Variants in CELF2 observed in about 807,000 individuals in gnomAD.
The protein encoded by CELF2 is CUGBP Elav-like family member 2.
Under a neutral mutation model 62.6 loss-of-function variants are expected in CELF2, and 8 were observed. The observed-to-expected ratio is 0.13, with a 90% CI of 0.07 to 0.23. CELF2 has a LOEUF of 0.23. Ranked by LOEUF, CELF2 falls within the 10% of genes least tolerant of loss-of-function variation. The pLI, the probability that CELF2 is intolerant of heterozygous loss-of-function variation, is 1.00. For synonymous variants in CELF2, 258 were observed against 250.0 expected (o/e 1.03, Z -0.30); for missense variants, 333 against 671.0 (o/e 0.50, Z 5.56).
At chr10:10,700,546 C>T in the CELF2 span, among the ~76,000 whole-genome samples, 9 of 152,162 alleles carry the variant, frequency 5.9e-5, no homozygotes, top group Admixed American at 5.9e-4. Flanking sequence ...GGCAAGAAAA[C>T]AGACCTCATC....
rs565689540 is a variant in CELF2, at chr10:11,159,476, A to G, written c.75-6010A>G. ...TGGATGACCACTGACTCCTCTTCCT[A>G]AATCGAAAGGATGCGCTAAGTTGAG... On this transcript the variant is annotated intron_variant, in intron 1 of 12. Coordinates refer to ENST00000633077, the MANE Select transcript of CELF2 (RefSeq NM_001326342.2). This position sits in a 1 kb window ranked among gnomAD's most constrained non-coding sequence, Gnocchi z 5.0. Among the ~76,000 whole-genome samples, 2 of 152,304 alleles carry G rather than the reference A, an allele frequency of 1.3e-5. No individual in the cohort carries two copies. The highest frequency in any genetic ancestry group is 4.1e-4 in the South Asian group (2 of 4,826).
chr10:10,657,557 G>A, the CELF2 span, among the ~76,000 whole-genome samples: 53 of 152,168 alleles, frequency 3.5e-4, no homozygotes, highest in South Asian at 0.011. Context: ...GGCAAAGTTA[G>A]CAACGTGACT....
the CELF2 span, among the ~76,000 whole-genome samples, chr10:10,716,788 C>T: frequency 6.6e-6 from 1 of 152,170 alleles, no homozygotes; most frequent in Non-Finnish European, 1.5e-5. Flanking sequence ...AGATAACCTG[C>T]TGTTGGAACA....
chr10:10,890,723 G>C (rs1011510993), intron 1 of CELF2, among the ~76,000 whole-genome samples: 20 of 152,178 alleles, frequency 1.3e-4, no homozygotes, highest in African/African-American at 4.8e-4. Context: ...TGATTAAAGA[G>C]ACCAGCATAG....
chr10:10,915,874 C>T (rs965933320), intron 1 of CELF2, among the ~76,000 whole-genome samples: 24 of 152,216 alleles, frequency 1.6e-4, no homozygotes, highest in African/African-American at 3.9e-4. Context: ...AAACATCCAG[C>T]ATTGCCTGGG....
At chr10:10,492,984 G>T in the CELF2 span, among the ~76,000 whole-genome samples, 1 of 152,110 alleles carries the variant, frequency 6.6e-6, no homozygotes, top group African/African-American at 2.4e-5. Context: ...GTGATTGTGA[G>T]GCCTCCCCAC....
At chr10:10,840,996 C>T (rs565351646) in intron 1 of CELF2, among the ~76,000 whole-genome samples, 1 of 152,274 alleles carries the variant, frequency 6.6e-6, no homozygotes, top group East Asian at 1.9e-4. Flanking sequence ...CCAGCTTCAT[C>T]CATGTCCCTG....
the CELF2 span, among the ~76,000 whole-genome samples, chr10:10,765,592 C>G: frequency 1.3e-5 from 2 of 152,120 alleles, no homozygotes; most frequent in African/African-American, 4.8e-5. Flanking sequence ...ACAGAGTGCC[C>G]CCTTCAAAGT....
chr10:10,685,861 C>A, the CELF2 span, among the ~76,000 whole-genome samples: 3 of 152,112 alleles, frequency 2.0e-5, no homozygotes, highest in Non-Finnish European at 4.4e-5. Context: ...GGTGTCTAAT[C>A]TAGTTTGGTT....
At chr10:11,266,474 G>A in intron 5 of CELF2, 124 bp from the exon 6 acceptor site, 1 of 592,624 alleles carries the variant, frequency 1.7e-6, no homozygotes, top group South Asian at 2.5e-5. Flanking sequence ...TTATTTTTAT[G>A]TACTACTGAG....
the CELF2 span, among the ~76,000 whole-genome samples, chr10:10,560,376 A>G: frequency 2.0e-5 from 3 of 152,224 alleles, no homozygotes; most frequent in Non-Finnish European, 2.9e-5. Flanking sequence ...ATAATGAACT[A>G]TTACTAACGG....
intron 1 of CELF2, among the ~76,000 whole-genome samples, chr10:10,817,836 C>G (rs772910279): frequency 3.9e-5 from 6 of 152,174 alleles, no homozygotes; most frequent in Non-Finnish European, 2.9e-5. Context: ...AACTTTTGCT[C>G]CCTTACTACT....
chr10:10,833,811 A>G (rs937706387), intron 1 of CELF2, among the ~76,000 whole-genome samples: 12 of 152,202 alleles, frequency 7.9e-5, no homozygotes, highest in African/African-American at 2.2e-4. Context: ...GTCAAAAAAT[A>G]ACAGATGCTG....
At chr10:10,555,466 A>G in the CELF2 span, among the ~76,000 whole-genome samples, 1 of 152,188 alleles carries the variant, frequency 6.6e-6, no homozygotes, top group Non-Finnish European at 1.5e-5. Flanking sequence ...AGTAAATAAG[A>G]TACTGGCAAA....
At chr10:10,584,019 G>A in the CELF2 span, among the ~76,000 whole-genome samples, 3 of 152,066 alleles carry the variant, frequency 2.0e-5, no homozygotes, top group Non-Finnish European at 2.9e-5. Context: ...GACCGTAGGG[G>A]GCTAAGGCTG....
At chr10:10,783,538 C>A in the CELF2 span, among the ~76,000 whole-genome samples, 9 of 152,334 alleles carry the variant, frequency 5.9e-5, no homozygotes, top group Admixed American at 3.9e-4. Flanking sequence ...CAATAAAATT[C>A]TGTTTTCAAG....
the CELF2 span, among the ~76,000 whole-genome samples, chr10:10,638,376 TTCATTCATTCAC>T: frequency 8.4e-6 from 1 of 119,630 alleles, no homozygotes; most frequent in Non-Finnish European, 1.9e-5. Flanking sequence ...CATCCATTCA[TTCATTCATTCAC>T]TCATTCATGA....
At chr10:10,495,324 A>G in the CELF2 span, among the ~76,000 whole-genome samples, 2 of 152,178 alleles carry the variant, frequency 1.3e-5, no homozygotes, top group African/African-American at 2.4e-5. Flanking sequence ...AAAAGAGTTC[A>G]TATTATGTAT....
At chr10:11,044,055 G>A (rs562915932) in intron 1 of CELF2, among the ~76,000 whole-genome samples, 1 of 152,048 alleles carries the variant, frequency 6.6e-6, no homozygotes, top group African/African-American at 2.4e-5. Context: ...TTGTGGGCAC[G>A]GCCTTTGCGT....
Sources: gnomAD v4.1 joint callset for allele counts (sites outside exome capture counted in the v4.1 genomes callset) on GRCh38, gnomAD v4.1.1 for gene constraint, Gnocchi (gnomAD v3.1) non-coding constraint, MANE v1.5 for transcripts, NCBI Gene and HGNC (gene_info 2026-07-23, HGNC 2026-07-21) for gene names.